Variants in LUZP2 observed in about 807,000 individuals in gnomAD.
LUZP2 encodes the protein leucine zipper protein 2.
LUZP2 carries 52 observed loss-of-function variants against 51.6 expected under a neutral mutation model. That is an observed-to-expected ratio of 1.01 (90% CI 0.81 to 1.27). LUZP2 has a LOEUF of 1.27. LUZP2 is among the 50% of genes most tolerant of loss of function. The pLI, the probability that LUZP2 is intolerant of heterozygous loss-of-function variation, is 0.00. For missense variants in LUZP2, 436 were observed against 395.4 expected (o/e 1.10, Z -0.87); for synonymous variants, 154 against 137.3 (o/e 1.12, Z -0.85).
intron 1 of LUZP2, among the ~76,000 whole-genome samples, chr11:24,569,592 C>A (rs192352103): frequency 2.7e-3 from 404 of 151,944 alleles, no homozygotes; most frequent in African/African-American, 7.8e-3. Flanking sequence ...GGAAATTATG[C>A]AAAATAGCAT....
At chr11:24,893,004 T>A (rs941966461) in intron 5 of LUZP2, 11 of 152,358 alleles carry the variant, frequency 7.2e-5, no homozygotes, top group Middle Eastern at 3.4e-3. Flanking sequence ...TATTTATAAT[T>A]GTTTTTCCTT....
At chr11:24,784,934 A>G (rs533092967) in intron 5 of LUZP2, among the ~76,000 whole-genome samples, 36 of 152,064 alleles carry the variant, frequency 2.4e-4, no homozygotes, top group Non-Finnish European at 5.0e-4. Context: ...ATATATAAGT[A>G]TCCAGATATT....
At chr11:24,776,059 CA>C (rs1213085721) in intron 5 of LUZP2, among the ~76,000 whole-genome samples, 1 of 152,062 alleles carries the variant, frequency 6.6e-6, no homozygotes, top group Admixed American at 6.6e-5. Flanking sequence ...AACAACCAAT[CA>C]AAAGTTTCTT....
At chr11:24,790,538 G>T (rs1849377077) in intron 5 of LUZP2, among the ~76,000 whole-genome samples, 1 of 151,346 alleles carries the variant, frequency 6.6e-6, no homozygotes, top group South Asian at 2.1e-4. Context: ...TTATTGCTCT[G>T]TCATCCAGCC....
At chr11:24,530,762 C>CTTTTTTTTTTTTTTTTTTTTTTTT (rs367857815) in intron 1 of LUZP2, among the ~76,000 whole-genome samples, 4 of 75,370 alleles carry the variant, frequency 5.3e-5, no homozygotes, top group East Asian at 5.5e-4. Flanking sequence ...CTTCTTCTTA[C>CTTTTTTTTTTTTTTTTTTTTTTTT]TTTTTTTTTT....
intron 1 of LUZP2, among the ~76,000 whole-genome samples, chr11:24,678,075 A>AGGG (rs71041788): frequency 5.2e-4 from 36 of 69,736 alleles, no homozygotes; most frequent in Middle Eastern, 0.012. Flanking sequence ...GAAAGGAGAA[A>AGGG]GGGGGGGGGG....
chr11:24,497,494 G>GC (rs1849862423), intron 1 of LUZP2, among the ~76,000 whole-genome samples, 189 bp downstream of exon 1: 1 of 152,154 alleles, frequency 6.6e-6, no homozygotes, highest in Non-Finnish European at 1.5e-5. Context: ...AGTTATCCCA[G>GC]CCCCCTGGAG....
chr11:24,781,887 C>CA (rs933594211), intron 5 of LUZP2, among the ~76,000 whole-genome samples: 2 of 151,924 alleles, frequency 1.3e-5, no homozygotes, highest in East Asian at 1.9e-4. Flanking sequence ...GGGGATCTTA[C>CA]AAAAAATGAA....
intron 1 of LUZP2, among the ~76,000 whole-genome samples, chr11:24,625,611 A>G (rs1854649153): frequency 6.6e-6 from 1 of 152,192 alleles, no homozygotes; most frequent in African/African-American, 2.4e-5. Flanking sequence ...GGAAATTACA[A>G]AGTTCAAATG....
At chr11:24,711,278 G>A (rs1349647854) in intron 1 of LUZP2, among the ~76,000 whole-genome samples, 14 of 150,096 alleles carry the variant, frequency 9.3e-5, no homozygotes, top group East Asian at 4.0e-4. Context: ...TGAAACCCCC[G>A]TCTCTACTAA....
At chr11:24,828,432 T>G (rs1850605094) in intron 5 of LUZP2, among the ~76,000 whole-genome samples, 1 of 152,090 alleles carries the variant, frequency 6.6e-6, no homozygotes, top group Non-Finnish European at 1.5e-5. Flanking sequence ...AAAATTCCTG[T>G]GCAGAGAGAT....
At chr11:24,939,592 TG>T (rs1854688373) in intron 7 of LUZP2, among the ~76,000 whole-genome samples, 2 of 151,976 alleles carry the variant, frequency 1.3e-5, no homozygotes, top group Non-Finnish European at 2.9e-5. Context: ...AGTGATTAAG[TG>T]AGGAATGCAG....
At chr11:24,705,037 G>A (rs1857533609) in intron 1 of LUZP2, among the ~76,000 whole-genome samples, 1 of 151,982 alleles carries the variant, frequency 6.6e-6, no homozygotes, top group Admixed American at 6.6e-5. Flanking sequence ...AATCTTGAAA[G>A]TAAAAGCTCT....
chr11:24,991,802 G>T (rs537371200), intron 9 of LUZP2, among the ~76,000 whole-genome samples: 1 of 151,908 alleles, frequency 6.6e-6, no homozygotes, highest in Non-Finnish European at 1.5e-5. Flanking sequence ...GTTTTGAATC[G>T]CATTTCCCTG....
intron 1 of LUZP2, among the ~76,000 whole-genome samples, chr11:24,516,948 G>T (rs907530786): frequency 2.6e-5 from 4 of 152,076 alleles, no homozygotes; most frequent in African/African-American, 9.7e-5. Flanking sequence ...TAAACTCTGT[G>T]ATACAATCTA....
chr11:24,565,029 C>G (rs1327471844), intron 1 of LUZP2, among the ~76,000 whole-genome samples: 1 of 152,108 alleles, frequency 6.6e-6, no homozygotes, highest in African/African-American at 2.4e-5. Context: ...ATGGGGACAT[C>G]GTATCCACAA....
At chr11:24,616,454 T>C (rs1854289710) in intron 1 of LUZP2, among the ~76,000 whole-genome samples, 1 of 143,276 alleles carries the variant, frequency 7.0e-6, no homozygotes, top group African/African-American at 2.7e-5. Flanking sequence ...GTATTGTGTG[T>C]GTGTGGTATT....
At chr11:24,934,352 T>G (rs1035335319) in intron 7 of LUZP2, among the ~76,000 whole-genome samples, 1 of 152,154 alleles carries the variant, frequency 6.6e-6, no homozygotes, top group African/African-American at 2.4e-5. Flanking sequence ...TCTAAACACA[T>G]TTAGGTATTG....
chr11:24,675,153 T>G (rs1490617682), intron 1 of LUZP2, among the ~76,000 whole-genome samples: 3 of 152,166 alleles, frequency 2.0e-5, no homozygotes, highest in South Asian at 2.1e-4. Flanking sequence ...ATGAGATAAA[T>G]CAATGAACCC....
Sources: gnomAD v4.1 joint callset for allele counts (sites outside exome capture counted in the v4.1 genomes callset) on GRCh38, gnomAD v4.1.1 for gene constraint, MANE v1.5 for transcripts, NCBI Gene and HGNC (gene_info 2026-07-23, HGNC 2026-07-21) for gene names.